Variants in KIF6 observed in about 807,000 individuals in gnomAD.
KIF6 encodes kinesin family member 6, also known as kinesin-like protein KIF6.
Under a neutral mutation model 112.7 loss-of-function variants are expected in KIF6, and 106 were observed. The observed-to-expected ratio is 0.94, with a 90% CI of 0.80 to 1.11. The LOEUF (loss-of-function observed/expected upper bound fraction) is 1.11. Among genes scored for constraint, KIF6 ranks in the 50% least tolerant of loss-of-function variants. The probability of loss-of-function intolerance (pLI) is 0.00; values close to 1 mark genes in which losing one functional copy is unlikely to be tolerated. For missense variants in KIF6, 929 were observed against 964.0 expected (o/e 0.96, Z 0.48); for synonymous variants, 339 against 339.9 (o/e 1.00, Z 0.03).
rs116560291 is a variant in KIF6, at chr6:39,469,047, G to A, written c.1646-37886C>T. ...AACAATAATAGCATAAAAAAGGGAA[G>A]CATGAATAGAGATATATAGGATTAA... is the stretch of plus-strand genomic sequence containing the variant. On this transcript the variant is annotated intron_variant, in intron 13 of 22. Coordinates refer to ENST00000287152, the MANE Select transcript of KIF6 (RefSeq NM_145027.6). 7.0e-3 allele frequency among the ~76,000 whole-genome samples: 1,063 copies of A among 152,016 alleles called. 11 individuals are homozygous for A. Among genetic ancestry groups the A allele is most frequent in the African/African-American group, 0.024 (996 of 41,496 alleles).
intron 3 of KIF6, among the ~76,000 whole-genome samples, chr6:39,667,609 A>G (rs1210521749): frequency 3.3e-5 from 5 of 152,170 alleles, no homozygotes; most frequent in Non-Finnish European, 7.4e-5. Context: ...AGTCCACTCT[A>G]TGTCAACTTG....
At chr6:39,566,773 T>C (rs1780303155) in intron 10 of KIF6, among the ~76,000 whole-genome samples, 1 of 152,372 alleles carries the variant, frequency 6.6e-6, no homozygotes, top group Admixed American at 6.5e-5. Flanking sequence ...ACATTTGTTT[T>C]TAATTAGCTG....
intron 13 of KIF6, among the ~76,000 whole-genome samples, chr6:39,512,982 A>C (rs1776863743): frequency 6.6e-6 from 1 of 152,274 alleles, no homozygotes; most frequent in South Asian, 2.1e-4. Context: ...GGAAAGTACC[A>C]TCTTCAGTTT....
chr6:39,704,565 C>T (rs1789077015), intron 3 of KIF6, among the ~76,000 whole-genome samples: 1 of 151,988 alleles, frequency 6.6e-6, no homozygotes, highest in Admixed American at 6.6e-5. Flanking sequence ...TTGCAGTGAG[C>T]CAAGATCGTG....
rs564229262 is a variant in KIF6, at chr6:39,583,674, CTTTTTTTTTTTTTTTTT to C, written c.1077+1207_1077+1223del. ...AAACACTGTTGGTAGGATTTCACTT[CTTTTTTTTTTTTTTTTT>C]TTTTTTTTTTTTTTTTTTTACAGTG... On this transcript the variant is annotated intron_variant, in intron 9 of 22. Coordinates refer to ENST00000287152, the MANE Select transcript of KIF6 (RefSeq NM_145027.6). 2.4e-3 allele frequency among the ~76,000 whole-genome samples: 170 copies of C among 71,708 alleles called. 4 individuals carry two copies. The highest frequency in any genetic ancestry group is 4.1e-3 in the African/African-American group (84 of 20,284). The allele number at this position is 71,708 out of a possible 152,430, so 47.0% of individuals were successfully genotyped here.
intron 13 of KIF6, among the ~76,000 whole-genome samples, chr6:39,443,160 A>G (rs987271119): frequency 1.0e-4 from 14 of 135,600 alleles, no homozygotes; most frequent in Non-Finnish European, 4.7e-5. Context: ...TAATAATAAT[A>G]AATAAAAATA....
intron 13 of KIF6, among the ~76,000 whole-genome samples, chr6:39,455,986 C>T (rs1318223643): frequency 3.4e-5 from 3 of 87,240 alleles, no homozygotes; most frequent in Non-Finnish European, 6.9e-5. Flanking sequence ...TCTAGCAAGG[C>T]AGGCCAACGT....
At chr6:39,483,494 T>G (rs1476100757) in intron 13 of KIF6, among the ~76,000 whole-genome samples, 1 of 152,176 alleles carries the variant, frequency 6.6e-6, no homozygotes, top group Non-Finnish European at 1.5e-5. Context: ...GTCCTCACAC[T>G]GGGGTGTACC....
At chr6:39,494,072 C>T (rs1775633339) in intron 13 of KIF6, among the ~76,000 whole-genome samples, 1 of 152,194 alleles carries the variant, frequency 6.6e-6, no homozygotes, top group African/African-American at 2.4e-5. Context: ...CTCTTTAATC[C>T]TTTAGGGAAT....
chr6:39,385,795 A>G, intron 15 of KIF6, 123 bp from the exon 16 acceptor site: 1 of 700,282 alleles, frequency 1.4e-6, no homozygotes, highest in Non-Finnish European at 2.5e-6. Flanking sequence ...AAACAAAAGC[A>G]GGCATAGCTT....
chr6:39,437,456 T>G (rs554420032), intron 13 of KIF6, among the ~76,000 whole-genome samples: 1 of 152,320 alleles, frequency 6.6e-6, no homozygotes, highest in South Asian at 2.1e-4. Context: ...AAATATCTTT[T>G]GAATGAATGA....
Position 39,342,152 on chromosome 6 carries a change from C to T in KIF6, c.2428+1557G>A, listed in dbSNP as rs1171695641. On this transcript the variant is annotated intron_variant, in intron 22 of 22. Transcript: ENST00000287152. This position sits in a 1 kb window ranked among gnomAD's most constrained non-coding sequence, Gnocchi z 4.7. ...CTTCCCCTTCAGGCTTCTCGCTTTCCGCTCTGTCTGCTAGGACTGTGCATT... is the reference window on the plus strand; with the variant it reads ...CTTCCCCTTCAGGCTTCTCGCTTTCTGCTCTGTCTGCTAGGACTGTGCATT... 5.9e-5 allele frequency among the ~76,000 whole-genome samples: 9 copies of T among 152,188 alleles called. 1 individual carries two copies. Among genetic ancestry groups the T allele is most frequent in the South Asian group, 2.1e-4 (1 of 4,820 alleles).
At chr6:39,374,018 G>C (rs950137912) in intron 16 of KIF6, among the ~76,000 whole-genome samples, 2 of 152,158 alleles carry the variant, frequency 1.3e-5, no homozygotes, top group African/African-American at 4.8e-5. Flanking sequence ...AGGGCACTGT[G>C]ATAAACAGAC....
At chr6:39,336,883 G>A (rs574987912) in intron 22 of KIF6, among the ~76,000 whole-genome samples, 5 of 137,982 alleles carry the variant, frequency 3.6e-5, no homozygotes, top group African/African-American at 1.1e-4. Flanking sequence ...CCTTTCTTCT[G>A]TCCTTCCTTC....
At chr6:39,393,875 G>A (rs1277328207) in intron 15 of KIF6, among the ~76,000 whole-genome samples, 1 of 152,110 alleles carries the variant, frequency 6.6e-6, no homozygotes, top group Non-Finnish European at 1.5e-5. Context: ...GGGAGGGAAT[G>A]CCAACATTTT....
intron 3 of KIF6, among the ~76,000 whole-genome samples, chr6:39,681,326 A>G (rs1470777352): frequency 6.6e-6 from 1 of 152,132 alleles, no homozygotes; most frequent in Non-Finnish European, 1.5e-5. Flanking sequence ...CCAACACCAA[A>G]TAGTTCACTA....
chr6:39,493,076 C>T (rs1775565113), intron 13 of KIF6, among the ~76,000 whole-genome samples: 1 of 152,142 alleles, frequency 6.6e-6, no homozygotes, highest in South Asian at 2.1e-4. Context: ...ACATTATATG[C>T]TTGATGATAG....
Position 39,335,556 on chromosome 6 carries a change from T to C in KIF6, c.*976A>G, listed in dbSNP as rs1334005968. Reference sequence around the variant, plus strand: ...CAGTGGACCAGCACTTTTATCCAGTTAGCTTCATTTCCAGGTGCCACTCCT... The same window carrying C: ...CAGTGGACCAGCACTTTTATCCAGTCAGCTTCATTTCCAGGTGCCACTCCT... On this transcript the variant is annotated 3_prime_UTR_variant, in exon 23 of 23. Coordinates refer to ENST00000287152, the MANE Select transcript of KIF6 (RefSeq NM_145027.6). 1.9e-4 allele frequency: 28 copies of C among 149,700 alleles called. No homozygotes were observed. Among genetic ancestry groups the C allele is most frequent in the Admixed American group, 1.7e-3 (26 of 15,080 alleles). 9.3% of individuals were successfully genotyped at this position (149,700 alleles called of 1,614,324 possible).
At chr6:39,676,753 G>C (rs967929582) in intron 3 of KIF6, among the ~76,000 whole-genome samples, 6 of 151,418 alleles carry the variant, frequency 4.0e-5, no homozygotes, top group Admixed American at 3.9e-4. Context: ...AGAAAAGAAA[G>C]TACAAAATTT....
Sources: gnomAD v4.1 joint callset for allele counts (sites outside exome capture counted in the v4.1 genomes callset) on GRCh38, gnomAD v4.1.1 for gene constraint, Gnocchi (gnomAD v3.1) non-coding constraint, MANE v1.5 for transcripts, NCBI Gene and HGNC (gene_info 2026-07-23, HGNC 2026-07-21) for gene names.